The following PRKCH variants were observed in gnomAD, a reference collection of about 807,000 sequenced individuals.
The protein encoded by PRKCH is protein kinase C eta type.
In PRKCH, 28 loss-of-function variants were observed where a neutral mutation model predicts 82.5. The ratio of observed to expected loss-of-function variants is 0.34; its 90% CI spans 0.25 to 0.47. The LOEUF (loss-of-function observed/expected upper bound fraction) is 0.47. Among genes scored for constraint, PRKCH ranks in the 20% least tolerant of loss-of-function variants. PRKCH has a pLI of 1.00. For synonymous variants in PRKCH, 322 were observed against 327.4 expected (o/e 0.98, Z 0.18); for missense variants, 705 against 881.8 (o/e 0.80, Z 2.54).
At chr14:61,438,596 T>G (rs944231865) in intron 2 of PRKCH, among the ~76,000 whole-genome samples, 1 of 152,246 alleles carries the variant, frequency 6.6e-6, no homozygotes, top group Non-Finnish European at 1.5e-5. Context: ...ATGTATTTAC[T>G]GTTTTTGAGT....
intron 12 of PRKCH, among the ~76,000 whole-genome samples, chr14:61,531,546 G>A (rs1008996413): frequency 2.6e-5 from 4 of 152,132 alleles, no homozygotes; most frequent in Non-Finnish European, 4.4e-5. Context: ...CCATTTCAGG[G>A]ACATTTTTTA....
intron 1 of PRKCH, among the ~76,000 whole-genome samples, chr14:61,313,034 G>C (rs1221483093): frequency 6.6e-6 from 1 of 152,154 alleles, no homozygotes; most frequent in East Asian, 1.9e-4. Context: ...GTTTTCATAA[G>C]TGACCTAAAG....
intron 2 of PRKCH, among the ~76,000 whole-genome samples, chr14:61,411,806 A>G (rs1171502346): frequency 6.6e-6 from 1 of 152,230 alleles, no homozygotes; most frequent in Non-Finnish European, 1.5e-5. Flanking sequence ...AGAACTGATC[A>G]GTGTAAAGAA....
intron 1 of PRKCH, among the ~76,000 whole-genome samples, chr14:61,350,300 T>C (rs1178204551): frequency 6.6e-6 from 1 of 152,202 alleles, no homozygotes; most frequent in Non-Finnish European, 1.5e-5. Flanking sequence ...GTCCAAAGCC[T>C]GTTGACTGCT....
intron 7 of PRKCH, among the ~76,000 whole-genome samples, chr14:61,456,600 A>G (rs1283867940): frequency 6.6e-6 from 1 of 152,234 alleles, no homozygotes; most frequent in African/African-American, 2.4e-5. Context: ...TGTTATTTAT[A>G]CATGGATATA....
At chr14:61,294,036 C>T (rs1391925379) in intron 1 of PRKCH, among the ~76,000 whole-genome samples, 2 of 152,238 alleles carry the variant, frequency 1.3e-5, no homozygotes, top group East Asian at 3.8e-4. Flanking sequence ...TTGCCTGCCC[C>T]TCTCAGGTGG....
intron 1 of PRKCH, among the ~76,000 whole-genome samples, chr14:61,243,403 GA>G (rs2044857017): frequency 7.6e-6 from 1 of 131,856 alleles, no homozygotes; most frequent in Non-Finnish European, 1.7e-5. Context: ...AAAAAAAAAA[GA>G]AAAAGAAAAA....
chr14:61,384,318 AG>A (rs2046554608), intron 1 of PRKCH, among the ~76,000 whole-genome samples: 1 of 152,194 alleles, frequency 6.6e-6, no homozygotes, highest in Non-Finnish European at 1.5e-5. Context: ...CAGGCTTCCC[AG>A]ATGGTGGTCC....
rs746588370 is a variant in PRKCH at position 61,434,727 on chromosome 14, G to C, written c.428-8384G>C. ...TTCACCTTGAAGAAGTCTACAGAAA[G>C]CATATATGGCATAGCTGGGCAGAGT... On this transcript the variant is annotated intron_variant, in intron 2 of 13. Transcript: ENST00000332981. Among the ~76,000 whole-genome samples, 11 of 152,274 alleles carry C rather than the reference G, an allele frequency of 7.2e-5. No homozygotes were observed. In the East Asian group the frequency reaches 2.1e-3, roughly 29 times the overall value.
chr14:61,275,271 G>C (rs1299220759), intron 1 of PRKCH, among the ~76,000 whole-genome samples: 2 of 152,118 alleles, frequency 1.3e-5, no homozygotes, highest in Non-Finnish European at 2.9e-5. Context: ...AAATATAAAG[G>C]AATATATTTC....
chr14:61,210,754 TTCTCTCTCTC>T (rs57385240), intron 1 of PRKCH, among the ~76,000 whole-genome samples: 66,401 of 143,992 alleles, frequency 0.46, 16,158 homozygotes, highest in Admixed American at 0.56. Context: ...CAAGAGTCCT[TTCTCTCTCTC>T]TCTCTCTCTC....
chr14:61,439,845 A>G (rs1281494285), intron 2 of PRKCH, among the ~76,000 whole-genome samples: 1 of 152,216 alleles, frequency 6.6e-6, no homozygotes, highest in Non-Finnish European at 1.5e-5. Context: ...GTTTTTTCCT[A>G]AATCCTCCTC....
intron 1 of PRKCH, among the ~76,000 whole-genome samples, chr14:61,382,696 A>G (rs2046530308): frequency 6.6e-6 from 1 of 152,200 alleles, no homozygotes. Flanking sequence ...TCTCTATTAC[A>G]GAGGTTTGCT....
chr14:61,491,795 A>G (rs1228769550), intron 10 of PRKCH, among the ~76,000 whole-genome samples: 1 of 152,188 alleles, frequency 6.6e-6, no homozygotes, highest in African/African-American at 2.4e-5. Context: ...TCTGCCAAGG[A>G]TATGGATGTA....
At chr14:61,495,173 A>G (rs1249186890) in intron 10 of PRKCH, among the ~76,000 whole-genome samples, 1 of 152,252 alleles carries the variant, frequency 6.6e-6, no homozygotes, top group Non-Finnish European at 1.5e-5. Context: ...GTGTAATCCC[A>G]GTAATGCAGT....
In PRKCH at chr14:61,280,858, TACCAGGCGC is replaced by T. The variant is rs1425883611; in HGVS notation, c.-19+93193_-19+93201del. On this transcript the variant is annotated intron_variant, in intron 1 of 3. Coordinates refer to the PRKCH transcript ENST00000555185. The surrounding 1 kb of genome is among the most constrained non-coding windows in gnomAD (Gnocchi z 5.0). ...CTGGAAGAGCTCGGGCAGCGAGAAGTACCAGGCGCACGAGCAGGGGGGCGGCAGCGCCCG... is the reference window on the plus strand; with the variant it reads ...CTGGAAGAGCTCGGGCAGCGAGAAGTACGAGCAGGGGGGCGGCAGCGCCCG... The T allele has an allele frequency of 6.4e-6, 10 of 1,569,598 alleles. No individual in the cohort carries two copies. In the South Asian group the frequency reaches 1.0e-4, roughly 16 times the overall value.
intron 1 of PRKCH, among the ~76,000 whole-genome samples, chr14:61,268,721 G>A (rs1253759400): frequency 6.6e-6 from 1 of 152,094 alleles, no homozygotes; most frequent in Non-Finnish European, 1.5e-5. Context: ...TCAAAAAGTA[G>A]GCAAAGTTTA....
chr14:61,489,420 CTGCCTG>C (rs1391841995), intron 10 of PRKCH, among the ~76,000 whole-genome samples: 4 of 152,268 alleles, frequency 2.6e-5, no homozygotes, highest in Non-Finnish European at 4.4e-5. Context: ...TCTTCTTTAG[CTGCCTG>C]TGCCTGTGCA....
intron 1 of PRKCH, among the ~76,000 whole-genome samples, chr14:61,261,582 C>T (rs567539216): frequency 5.9e-5 from 9 of 152,300 alleles, no homozygotes; most frequent in African/African-American, 1.9e-4. Context: ...TCTGAATCAG[C>T]AGGGGAAGGC....
Sources: gnomAD v4.1 joint callset for allele counts (sites outside exome capture counted in the v4.1 genomes callset) on GRCh38, gnomAD v4.1.1 for gene constraint, Gnocchi (gnomAD v3.1) non-coding constraint, MANE v1.5 for transcripts, NCBI Gene and HGNC (gene_info 2026-07-23, HGNC 2026-07-21) for gene names.